Variants in PKD2 observed in about 807,000 individuals in gnomAD.
PKD2 encodes the protein polycystin-2.
Under a neutral mutation model 105.9 loss-of-function variants are expected in PKD2, and 48 were observed. That is an observed-to-expected ratio of 0.45 (90% confidence interval 0.36 to 0.58). The LOEUF is 0.58. Among genes scored for constraint, PKD2 ranks in the 20% least tolerant of loss-of-function variants. The pLI is 0.00. For synonymous variants in PKD2, 464 were observed against 481.1 expected (o/e 0.96, Z 0.46); for missense variants, 1,078 against 1,255.3 (o/e 0.86, Z 2.13).
At chr4:88,030,207 A>G (rs1727096369) in intron 2 of PKD2, among the ~76,000 whole-genome samples, 1 of 152,146 alleles carries the variant, frequency 6.6e-6, no homozygotes, top group African/African-American at 2.4e-5. Context: ...GCTGGGGTGC[A>G]GTGGCATGAA....
At chr4:88,011,796 A>G (rs1424496563) in intron 1 of PKD2, among the ~76,000 whole-genome samples, 4 of 149,192 alleles carry the variant, frequency 2.7e-5, no homozygotes, top group South Asian at 4.2e-4. Context: ...ATGATAGTCT[A>G]TGCACAGTGA....
Position 88,074,972 on chromosome 4 carries a change from G to A in PKD2, c.2670+13G>A. ...TGGGGTGGCCGAGGTCAGTAGTCAT[G>A]AGCTGAAAACACCGCTGCTGAGCAT... is the stretch of plus-strand genomic sequence containing the variant. On this transcript the variant is annotated intron_variant, in intron 14 of 14. Coordinates refer to ENST00000237596, the MANE Select transcript of PKD2 (RefSeq NM_000297.4). 1 of 1,613,872 alleles carries A rather than the reference G, an allele frequency of 6.2e-7. No homozygotes were observed. Among genetic ancestry groups the A allele is most frequent in the Non-Finnish European group, 8.5e-7 (1 of 1,179,774 alleles).
At chr4:88,024,457 G>GAAAAAAAAAAAAAAAA (rs552942631) in intron 2 of PKD2, among the ~76,000 whole-genome samples, 15 of 50,386 alleles carry the variant, frequency 3.0e-4, no homozygotes, top group East Asian at 4.8e-4. Context: ...ACTCTGTCTC[G>GAAAAAAAAAAAAAAAA]AAAAAAAAAA....
intron 6 of PKD2, among the ~76,000 whole-genome samples, chr4:88,047,932 A>C (rs1727836481): frequency 6.6e-6 from 1 of 152,228 alleles, no homozygotes; most frequent in South Asian, 2.1e-4. Context: ...ATAACTTCTA[A>C]GATTTTTTTC....
At chr4:88,026,005 G>GT (rs1213520007) in intron 2 of PKD2, among the ~76,000 whole-genome samples, 1 of 149,830 alleles carries the variant, frequency 6.7e-6, no homozygotes, top group Non-Finnish European at 1.5e-5. Context: ...GTCTCAGGCA[G>GT]TTTTTTATAG....
chr4:88,056,015 A>G, intron 7 of PKD2, 71 bp from the exon 8 acceptor site: 1 of 973,012 alleles, frequency 1.0e-6, no homozygotes, highest in Non-Finnish European at 1.7e-6. Context: ...AGGATGAAAT[A>G]ATGTTTTATT....
intron 2 of PKD2, among the ~76,000 whole-genome samples, chr4:88,034,364 A>G (rs1026743599): frequency 6.6e-6 from 1 of 152,034 alleles, no homozygotes; most frequent in African/African-American, 2.4e-5. Flanking sequence ...TTAATTTCCT[A>G]TGATGCTTGA....
chr4:88,060,625 C>T (rs1720537965), intron 9 of PKD2, among the ~76,000 whole-genome samples: 1 of 151,810 alleles, frequency 6.6e-6, no homozygotes, highest in South Asian at 2.1e-4. Flanking sequence ...GAAATACTTG[C>T]AAACCACAGT....
At chr4:88,014,790 G>A (rs1381197877) in intron 1 of PKD2, among the ~76,000 whole-genome samples, 2 of 152,154 alleles carry the variant, frequency 1.3e-5, no homozygotes, top group African/African-American at 4.8e-5. Flanking sequence ...GGACCAACTG[G>A]GCCTCCTAAG....
chr4:88,054,170 C>T (rs1720223218), intron 7 of PKD2, among the ~76,000 whole-genome samples: 1 of 151,624 alleles, frequency 6.6e-6, no homozygotes, highest in Non-Finnish European at 1.5e-5. Flanking sequence ...CTGAGGCGGG[C>T]AGATCACCTG....
chr4:88,047,393 C>CA lies in PKD2; in HGVS notation c.1548+536dup, dbSNP rs879780943. On this transcript the variant is annotated intron_variant, in intron 6 of 14. Transcript: ENST00000237596. Reference sequence around the variant, plus strand: ...GTAACATAGTGAGACCCTGTCTTTACAAAAAAAAAAAAATTTAATTAGTCA... The same window carrying CA: ...GTAACATAGTGAGACCCTGTCTTTACAAAAAAAAAAAAAATTTAATTAGTCA... 8.6e-3 allele frequency among the ~76,000 whole-genome samples: 1,160 copies of CA among 135,474 alleles called. 9 individuals carry two copies. The highest frequency in any genetic ancestry group is 0.016 in the South Asian group (69 of 4,290). The allele number at this position is 135,474 out of a possible 152,430, so 88.9% of individuals were successfully genotyped here.
chr4:88,018,330 A>G (rs923688908), intron 1 of PKD2, among the ~76,000 whole-genome samples: 4 of 152,222 alleles, frequency 2.6e-5, no homozygotes, highest in Non-Finnish European at 5.9e-5. Context: ...ATACATGAAC[A>G]CTAATGATGA....
intron 12 of PKD2, 44 bp downstream of exon 12, chr4:88,065,923 A>C (rs763851855): frequency 9.8e-7 from 1 of 1,021,950 alleles, no homozygotes; most frequent in East Asian, 2.4e-5. Flanking sequence ...GGTACCTACA[A>C]CACCACAGAT....
Position 88,046,655 on chromosome 4 carries a change from T to G in PKD2, c.1333T>G (p.Phe445Val). The change falls in exon 6 of 15, where the codon TTC becomes GTC. Residue 445 changes from phenylalanine to valine, a missense_variant. By Grantham distance (50) the Phe-to-Val change is conservative. Transcript: ENST00000237596. Reference protein sequence around the residue: ...LFCVVRLLVEFPATGGVIPSW... With the variant: ...LFCVVRLLVEVPATGGVIPSW... ...ATTTACATGCAGGTTATTGGTTGAATTCCCAGCAACAGGTGGTGTGATTCC... is the reference window on the plus strand; with the variant it reads ...ATTTACATGCAGGTTATTGGTTGAAGTCCCAGCAACAGGTGGTGTGATTCC... 1 of 1,604,916 alleles carries G rather than the reference T, an allele frequency of 6.2e-7. No homozygotes were observed. The highest frequency in any genetic ancestry group is 8.5e-7 in the Non-Finnish European group (1 of 1,171,572).
chr4:88,038,115 C>G, intron 3 of PKD2, 136 bp from the exon 4 acceptor site: 1 of 958,194 alleles, frequency 1.0e-6, no homozygotes, highest in Non-Finnish European at 1.6e-6. Flanking sequence ...CCAAATCTCT[C>G]TGACAACAAA....
chr4:88,020,904 C>G (rs969246733), intron 2 of PKD2, among the ~76,000 whole-genome samples: 1 of 152,088 alleles, frequency 6.6e-6, no homozygotes, highest in Non-Finnish European at 1.5e-5. Flanking sequence ...GCTGCCTATA[C>G]TGGTCTCCAG....
At chr4:88,011,381 G>A (rs1344303976) in intron 1 of PKD2, among the ~76,000 whole-genome samples, 1 of 150,594 alleles carries the variant, frequency 6.6e-6, no homozygotes, top group Admixed American at 6.6e-5. Context: ...AAGTCAGGGT[G>A]GGCTAAGCTG....
chr4:88,017,133 G>C (rs1726587335), intron 1 of PKD2, among the ~76,000 whole-genome samples: 1 of 152,110 alleles, frequency 6.6e-6, no homozygotes, highest in African/African-American at 2.4e-5. Flanking sequence ...AGACCAGCCT[G>C]GGCAACGTAT....
intron 2 of PKD2, among the ~76,000 whole-genome samples, chr4:88,022,956 C>T (rs1726813796): frequency 6.6e-6 from 1 of 152,086 alleles, no homozygotes; most frequent in Non-Finnish European, 1.5e-5. Context: ...TGGCATGCAC[C>T]TGTAGTCCCA....
Sources: allele counts gnomAD v4.1 joint callset (sites outside exome capture counted in the v4.1 genomes callset), GRCh38; gene constraint gnomAD v4.1.1; transcripts MANE v1.5; gene names NCBI Gene and HGNC (gene_info 2026-07-23, HGNC 2026-07-21).